Variants in CYRIA observed in about 807,000 individuals in gnomAD.
CYRIA encodes CYFIP related Rac1 interactor A.
Under a neutral mutation model 43.9 loss-of-function variants are expected in CYRIA, and 15 were observed. That is an observed-to-expected ratio of 0.34 (90% CI 0.23 to 0.53). The LOEUF is 0.53. CYRIA is among the 20% of genes least tolerant of loss of function. The pLI, the probability that CYRIA is intolerant of heterozygous loss-of-function variation, is 0.94. For missense variants in CYRIA, 236 were observed against 394.2 expected, an observed-to-expected ratio of 0.60 and a Z score of 3.40; for synonymous variants, 117 against 136.0, an observed-to-expected ratio of 0.86 and a Z score of 0.97.
chr2:16,591,319 T>C (rs1028068219), intron 2 of CYRIA, among the ~76,000 whole-genome samples: 1 of 152,184 alleles, frequency 6.6e-6, no homozygotes, highest in Non-Finnish European at 1.5e-5. Context: ...AGAACATTTG[T>C]TGGAGATGGC....
At position 16,614,980 on chromosome 2, in the gene CYRIA, C is replaced by T. The variant is rs570368808; in HGVS notation, c.-11+8884G>A. Among the ~76,000 whole-genome samples the T allele has an allele frequency of 4.6e-5, 7 of 152,344 alleles. No homozygotes were observed. In the South Asian group the frequency reaches 6.2e-4, roughly 14 times the overall value. On this transcript the variant is annotated intron_variant, in intron 2 of 11. Transcript: ENST00000381323. ...CTTCTGTGTGACTCCATTAGATGGA[C>T]TGGATCAGGCTCCAAACAGGAGCCA...
chr2:16,593,025 A>G (rs1667982727), intron 2 of CYRIA, among the ~76,000 whole-genome samples: 2 of 152,214 alleles, frequency 1.3e-5, no homozygotes, highest in Non-Finnish European at 2.9e-5. Flanking sequence ...TTTGCACAAC[A>G]GTACGATAAT....
At chr2:16,612,892 T>C (rs1249921542) in intron 2 of CYRIA, among the ~76,000 whole-genome samples, 1 of 152,224 alleles carries the variant, frequency 6.6e-6, no homozygotes, top group Non-Finnish European at 1.5e-5. Flanking sequence ...AATTGAATCA[T>C]GGTGGCACTT....
chr2:16,633,663 G>C (rs769118233), intron 1 of CYRIA, among the ~76,000 whole-genome samples: 8 of 144,516 alleles, frequency 5.5e-5, no homozygotes, highest in Non-Finnish European at 1.2e-4. Context: ...TTACAGGCAT[G>C]AGCCACCGCA....
Position 16,635,187 on chromosome 2 carries a change from T to C in CYRIA, c.-166-11168A>G, listed in dbSNP as rs543175634. On this transcript the variant is annotated intron_variant, in intron 1 of 11. Coordinates refer to ENST00000381323, the MANE Select transcript of CYRIA (RefSeq NM_030797.4). ...TAGATGTGGTGCTACTGGACAGGGA[T>C]GCTGCCAAGCATCCTATCACGCACA... 3.3e-5 allele frequency among the ~76,000 whole-genome samples: 5 copies of C among 152,336 alleles called. No individual in the cohort carries two copies. In the East Asian group the frequency reaches 9.7e-4, roughly 29 times the overall value.
chr2:16,648,505 G>A (rs1390913520), intron 1 of CYRIA, among the ~76,000 whole-genome samples: 5 of 152,152 alleles, frequency 3.3e-5, no homozygotes, highest in Admixed American at 1.3e-4. Flanking sequence ...GTGATGACAC[G>A]AGTTTCATCA....
At chr2:16,625,834 CTT>C in intron 1 of CYRIA, 2 of 144,954 alleles carry the variant, frequency 1.4e-5, no homozygotes, top group African/African-American at 2.5e-5. Context: ...ATCCTCACTG[CTT>C]TTTTTTTTTT....
Position 16,555,812 on chromosome 2 carries a change from A to G in CYRIA, c.838-673T>C, listed in dbSNP as rs865940799. 5.3e-5 allele frequency among the ~76,000 whole-genome samples: 8 copies of G among 152,144 alleles called. No homozygotes were observed. The South Asian group carries it at 1.0e-3, about 20-fold the overall frequency. On this transcript the variant is annotated intron_variant, in intron 10 of 11. Transcript: ENST00000381323. ...TAGACCAGGAGCTCCTGGAGGTCCA[A>G]GTCTATGTCTCAGCCATCTTTGAGA...
At chr2:16,585,140 T>A (rs1441735295) in intron 3 of CYRIA, among the ~76,000 whole-genome samples, 1 of 152,056 alleles carries the variant, frequency 6.6e-6, no homozygotes, top group East Asian at 1.9e-4. Context: ...CAAGGAGAAA[T>A]CACGATAGCA....
intron 2 of CYRIA, among the ~76,000 whole-genome samples, chr2:16,622,284 A>C (rs1669021053): frequency 6.6e-6 from 1 of 152,234 alleles, no homozygotes; most frequent in Non-Finnish European, 1.5e-5. Flanking sequence ...GGTATGGCAG[A>C]GAAAACCTTC....
intron 1 of CYRIA, among the ~76,000 whole-genome samples, chr2:16,649,672 TTACAGTACAGGACACAGTTG>T (rs1222735020): frequency 6.0e-4 from 90 of 151,036 alleles, no homozygotes; most frequent in African/African-American, 2.1e-3. Flanking sequence ...CAGGGAACAG[TTACAGTACAGGACACAGTTG>T]TACAGTACAG....
intron 3 of CYRIA, among the ~76,000 whole-genome samples, chr2:16,578,992 AATAAAG>A (rs1316055090): frequency 2.0e-5 from 3 of 152,184 alleles, no homozygotes; most frequent in African/African-American, 4.8e-5. Context: ...ACAAAACAAA[AATAAAG>A]ATAAATTATT....
At chr2:16,633,390 T>A (rs1437854755) in intron 1 of CYRIA, among the ~76,000 whole-genome samples, 2 of 147,934 alleles carry the variant, frequency 1.4e-5, no homozygotes, top group African/African-American at 2.6e-5. Flanking sequence ...TTAGTGCCTA[T>A]GAGTTGTCTC....
chr2:16,623,441 A>G (rs781234058), intron 2 of CYRIA, among the ~76,000 whole-genome samples: 1 of 152,146 alleles, frequency 6.6e-6, no homozygotes, highest in Non-Finnish European at 1.5e-5. Flanking sequence ...CATGAACTGA[A>G]TTTGTTTCTA....
chr2:16,578,829 A>C (rs1482066004), intron 3 of CYRIA, among the ~76,000 whole-genome samples: 2 of 152,196 alleles, frequency 1.3e-5, no homozygotes, highest in East Asian at 3.8e-4. Context: ...AAGAAGAAGA[A>C]GAAGAAAACA....
intron 2 of CYRIA, among the ~76,000 whole-genome samples, chr2:16,613,740 C>A (rs984080817): frequency 6.6e-6 from 1 of 152,206 alleles, no homozygotes; most frequent in Non-Finnish European, 1.5e-5. Flanking sequence ...GCAGAAGTAT[C>A]AAGTTCAACA....
chr2:16,636,307 A>G (rs544741949), intron 1 of CYRIA, among the ~76,000 whole-genome samples: 16 of 152,296 alleles, frequency 1.1e-4, no homozygotes, highest in African/African-American at 3.8e-4. Flanking sequence ...TTAAAAGCCC[A>G]AGGGCCCAGA....
chr2:16,611,610 G>A (rs1262681895), intron 2 of CYRIA, among the ~76,000 whole-genome samples: 2 of 152,170 alleles, frequency 1.3e-5, no homozygotes, highest in East Asian at 3.9e-4. Flanking sequence ...AGAATAGTCT[G>A]GGAGGGTTTC....
In CYRIA at chr2:16,635,407, C is replaced by T. The variant is rs75329760; in HGVS notation, c.-166-11388G>A. 4.6e-5 allele frequency among the ~76,000 whole-genome samples: 7 copies of T among 152,290 alleles called. No homozygotes were observed. In the East Asian group the frequency reaches 1.3e-3, roughly 29 times the overall value. Reference sequence around the variant, plus strand: ...GGAGGGCAGTGGTGTAAAACATTGCCACGGATGCTACAGGTTTACAATGCA... The same window carrying T: ...GGAGGGCAGTGGTGTAAAACATTGCTACGGATGCTACAGGTTTACAATGCA... On this transcript the variant is annotated intron_variant, in intron 1 of 11. Transcript: ENST00000381323.
Sources: allele counts gnomAD v4.1 joint callset (sites outside exome capture counted in the v4.1 genomes callset), GRCh38; gene constraint gnomAD v4.1.1; transcripts MANE v1.5; gene names NCBI Gene and HGNC (gene_info 2026-07-23, HGNC 2026-07-21).